Variants in C6orf58 observed in about 807,000 individuals in gnomAD.
C6orf58 encodes chromosome 6 open reading frame 58.
Under a neutral mutation model 37.0 loss-of-function variants are expected in C6orf58, and 30 were observed. The observed-to-expected ratio is 0.81, with a 90% confidence interval of 0.61 to 1.10. The LOEUF (loss-of-function observed/expected upper bound fraction) is 1.10, where lower values mean the gene tolerates loss of function less well. Ranked by LOEUF, C6orf58 falls within the 50% of genes least tolerant of loss-of-function variation. The pLI, the probability that C6orf58 is intolerant of heterozygous loss-of-function variation, is 0.00. For missense variants in C6orf58, 368 were observed against 387.5 expected, an observed-to-expected ratio of 0.95 and a Z score of 0.42; for synonymous variants, 143 against 134.1, an observed-to-expected ratio of 1.07 and a Z score of -0.46.
At chr6:127,583,077 G>A (rs1259949610) in intron 4 of C6orf58, among the ~76,000 whole-genome samples, 1 of 152,206 alleles carries the variant, frequency 6.6e-6, no homozygotes, top group African/African-American at 2.4e-5. Flanking sequence ...GCCTACAAAC[G>A]TCGAATTATC....
intron 4 of C6orf58, 55 bp from the exon 5 acceptor site, chr6:127,590,032 C>A (rs1348416420): frequency 1.6e-6 from 2 of 1,224,760 alleles, no homozygotes; most frequent in African/African-American, 1.5e-5. Flanking sequence ...AGGCAATGAG[C>A]TTGAACTTCT....
chr6:127,590,929 GT>G (rs1431155521), intron 5 of C6orf58, among the ~76,000 whole-genome samples: 9 of 151,870 alleles, frequency 5.9e-5, no homozygotes, highest in African/African-American at 2.2e-4. Flanking sequence ...AATTTAAAAC[GT>G]TTTTCAAAGC....
In C6orf58 at chr6:127,581,280, C is replaced by T; in HGVS notation, c.672C>T (p.Asp224=). The T allele has an allele frequency of 6.9e-7, 1 of 1,448,778 alleles. No homozygotes were observed. Among genetic ancestry groups the T allele is most frequent in the East Asian group, 2.4e-5 (1 of 41,400 alleles). 89.7% of individuals were successfully genotyped at this position (1,448,778 alleles called of 1,614,324 possible). The change falls in exon 4 of 6, where the codon GAC becomes GAT. Residue 224 remains aspartate, a splice_region_variant and synonymous_variant. Coordinates refer to ENST00000329722, the MANE Select transcript of C6orf58 (RefSeq NM_001010905.3). ...TLADNIKSFE[D]RYDYYSKAEA... is the part of the protein sequence containing the mutation. ...CAGATAATATCAAAAGTTTTGAAGA[C>T]AGGTAAGAATGAATCTTTAAAGTAT...
chr6:127,589,160 G>A (rs1037968052), intron 4 of C6orf58, among the ~76,000 whole-genome samples: 4 of 152,072 alleles, frequency 2.6e-5, no homozygotes, highest in African/African-American at 9.7e-5. Flanking sequence ...AATATAACTA[G>A]AGAAAAAAAT....
At position 127,577,396 on chromosome 6, in the gene C6orf58, A is replaced by G. The variant is rs756551222; in HGVS notation, c.211A>G (p.Thr71Ala). ...GATGTATAAAATCATATTGAATCAG[A>G]CAGCCAGGTATTTTGCAAAATTTGC... ...MGMYKIILNQ[T>A]ARYFAKFAPD... Residue 71 changes from threonine (T) to alanine (A), a missense_variant, in exon 1 of 6, where the codon ACA becomes GCA. By Grantham distance (58) the Thr-to-Ala change is moderately conservative. Coordinates refer to ENST00000329722, the MANE Select transcript of C6orf58 (RefSeq NM_001010905.3). 15 of 1,613,618 alleles carry G rather than the reference A, an allele frequency of 9.3e-6. No individual in the cohort carries two copies. The highest frequency in any genetic ancestry group is 1.3e-5 in the Non-Finnish European group (15 of 1,179,620).
intron 4 of C6orf58, among the ~76,000 whole-genome samples, chr6:127,583,183 A>G (rs1336408675): frequency 6.6e-6 from 1 of 152,182 alleles, no homozygotes; most frequent in Non-Finnish European, 1.5e-5. Context: ...GGCAATCTGA[A>G]TATTTGAATC....
At chr6:127,591,520 T>C (rs1309506568) in intron 5 of C6orf58, 23 bp from the exon 6 acceptor site, 1 of 1,507,376 alleles carries the variant, frequency 6.6e-7, no homozygotes. Flanking sequence ...AGTTTACATG[T>C]AATCATTTTG....
At chr6:127,581,908 C>A (rs1408072470) in intron 4 of C6orf58, among the ~76,000 whole-genome samples, 2 of 152,164 alleles carry the variant, frequency 1.3e-5, no homozygotes, top group African/African-American at 4.8e-5. Context: ...TTGGCTGAGA[C>A]CCATATTTGT....
Position 127,591,626 on chromosome 6 carries a change from AT to A in C6orf58, c.*7del, listed in dbSNP as rs752057027. 6.0e-6 allele frequency: 9 copies of A among 1,491,414 alleles called. No individual in the cohort carries two copies. The African/African-American group carries it at 1.3e-4, about 22-fold the overall frequency. 92.4% of individuals were successfully genotyped at this position (1,491,414 alleles called of 1,614,324 possible). On this transcript the variant is annotated 3_prime_UTR_variant, in exon 6 of 6. Transcript: ENST00000329722. ...AAGTTATGGAAATAACTCCTGAAAC[AT>A]TTAACTTCAAACTTCAGGAAATGAT...
chr6:127,577,181 G>A lies in C6orf58; in HGVS notation c.-5G>A, dbSNP rs778210931. ...GCTACGATCGCAATCCCCAGCTCTG[G>A]CACAATGGCTTTTCTTCCTTCCTGG... On this transcript the variant is annotated 5_prime_UTR_variant, in exon 1 of 6. Transcript: ENST00000329722. The A allele has an allele frequency of 3.1e-6, 5 of 1,611,904 alleles. No homozygotes were observed. The highest frequency in any genetic ancestry group is 4.2e-6 in the Non-Finnish European group (5 of 1,178,996).
In C6orf58 at chr6:127,590,156, T is replaced by A. The variant is rs1374923991; in HGVS notation, c.744T>A (p.Ala248=). 2 of 1,613,854 alleles carry A rather than the reference T, an allele frequency of 1.2e-6. No individual in the cohort carries two copies. The highest frequency in any genetic ancestry group is 3.3e-5 in the Admixed American group (2 of 60,010). Residue 248 remains alanine, a synonymous_variant, in exon 5 of 6, where the codon GCT becomes GCA. Transcript: ENST00000329722. Reference sequence around the variant, plus strand: ...GGGTACTGGCTGTGGATCATTTAGCTGCAGTCCTCTTTCCTACAACCTTGA... The same window carrying A: ...GGGTACTGGCTGTGGATCATTTAGCAGCAGTCCTCTTTCCTACAACCTTGA... ...RSWVLAVDHL[A]AVLFPTTLIR...
At chr6:127,580,540 TC>T (rs1775038505) in intron 3 of C6orf58, 91 bp downstream of exon 3, 2 of 918,670 alleles carry the variant, frequency 2.2e-6, no homozygotes, top group East Asian at 4.9e-5. Context: ...CATAATATTT[TC>T]CTTAGTATGC....
At chr6:127,578,562 A>G in intron 1 of C6orf58, 124 bp from the exon 2 acceptor site, 1 of 601,616 alleles carries the variant, frequency 1.7e-6, no homozygotes, top group Non-Finnish European at 3.0e-6. Flanking sequence ...TGGGAATACA[A>G]ACACATATCA....
At chr6:127,578,819 A>G in intron 2 of C6orf58, 47 bp downstream of exon 2, 1 of 1,368,456 alleles carries the variant, frequency 7.3e-7, no homozygotes, top group Non-Finnish European at 1.0e-6. Context: ...TTCCTGAAAG[A>G]AAGCATTCAA....
chr6:127,582,087 A>G (rs891496369), intron 4 of C6orf58, among the ~76,000 whole-genome samples: 11 of 151,818 alleles, frequency 7.2e-5, no homozygotes, highest in African/African-American at 2.7e-4. Flanking sequence ...CATTGACATC[A>G]CTCTCTGTCA....
chr6:127,580,900 T>C (rs1415210747), intron 3 of C6orf58, among the ~76,000 whole-genome samples: 1 of 152,070 alleles, frequency 6.6e-6, no homozygotes, highest in African/African-American at 2.4e-5. Context: ...ATTTTAACAG[T>C]GTTAACAGGA....
intron 4 of C6orf58, among the ~76,000 whole-genome samples, chr6:127,588,870 C>T (rs1464880357): frequency 6.6e-6 from 1 of 152,086 alleles, no homozygotes; most frequent in Non-Finnish European, 1.5e-5. Context: ...TTCCTTTCAT[C>T]TTTGCTTGGT....
At chr6:127,584,219 A>T (rs62437084) in intron 4 of C6orf58, among the ~76,000 whole-genome samples, 2 of 152,210 alleles carry the variant, frequency 1.3e-5, no homozygotes, top group African/African-American at 4.8e-5. Flanking sequence ...ATTGAATTAA[A>T]TATGTCTGTA....
At chr6:127,588,362 A>G (rs900810474) in intron 4 of C6orf58, among the ~76,000 whole-genome samples, 1 of 152,238 alleles carries the variant, frequency 6.6e-6, no homozygotes. Context: ...AAAGTTACAT[A>G]GCAGAAGACA....
Sources: gnomAD v4.1 joint callset for allele counts (sites outside exome capture counted in the v4.1 genomes callset) on GRCh38, gnomAD v4.1.1 for gene constraint, MANE v1.5 for transcripts, NCBI Gene and HGNC (gene_info 2026-07-23, HGNC 2026-07-21) for gene names.